Variants in SEL1L observed in about 807,000 individuals in gnomAD.
SEL1L encodes protein sel-1 homolog 1.
A neutral mutation model predicts 109.8 loss-of-function variants in SEL1L; 52 were observed. The ratio of observed to expected loss-of-function variants is 0.47; its 90% CI spans 0.38 to 0.60. SEL1L has a LOEUF of 0.60. SEL1L is among the 20% of genes least tolerant of loss of function. SEL1L has a pLI of 0.00. For missense variants in SEL1L, 749 were observed against 962.2 expected (o/e 0.78, Z 2.93); for synonymous variants, 373 against 339.6 (o/e 1.10, Z -1.08).
In SEL1L at chr14:81,513,874, C is replaced by T. The variant is rs141598467; in HGVS notation, c.341-7633G>A. 4.6e-4 allele frequency among the ~76,000 whole-genome samples: 70 copies of T among 152,246 alleles called. 3 individuals are homozygous for T. In the East Asian group the frequency reaches 8.3e-3, roughly 18 times the overall value. ...GGAAAGCCATTCAGCTCCGGGGTCC[C>T]GACAAGTTTGTTGACCCTGTGGCCA... On this transcript the variant is annotated intron_variant, in intron 3 of 20. Transcript: ENST00000336735.
chr14:81,520,975 C>A (rs985085255), intron 3 of SEL1L, among the ~76,000 whole-genome samples: 2 of 152,150 alleles, frequency 1.3e-5, no homozygotes, highest in Non-Finnish European at 2.9e-5. Flanking sequence ...AAAGAAACGA[C>A]CCGAGAGCAG....
Position 81,504,687 on chromosome 14 carries a change from G to A in SEL1L, c.509-381C>T, listed in dbSNP as rs925381138. Reference sequence around the variant, plus strand: ...AATCTCACACTGAATTGTAATCCCTGGTGATTACAATCTCTCTCACCTGTA... The same window carrying A: ...AATCTCACACTGAATTGTAATCCCTAGTGATTACAATCTCTCTCACCTGTA... On this transcript the variant is annotated intron_variant, in intron 4 of 20. Coordinates refer to ENST00000336735, the MANE Select transcript of SEL1L (RefSeq NM_005065.6). 4.6e-5 allele frequency among the ~76,000 whole-genome samples: 7 copies of A among 152,038 alleles called. No homozygotes were observed. The South Asian group carries it at 1.5e-3, about 32-fold the overall frequency.
intron 15 of SEL1L, 24 bp from the exon 16 acceptor site, chr14:81,487,562 C>A (rs202243862): frequency 1.5e-5 from 24 of 1,586,664 alleles, no homozygotes; most frequent in Non-Finnish European, 1.9e-5. Context: ...AAAAATCACA[C>A]GAGATAATAG....
At position 81,510,514 on chromosome 14, in the gene SEL1L, C is replaced by CTCTATATATATA. The variant is rs35474067; in HGVS notation, c.341-4274_341-4273insTATATATATAGA. Among the ~76,000 whole-genome samples, 926 of 103,970 alleles carry CTCTATATATATA rather than the reference C, an allele frequency of 8.9e-3. 11 individuals carry two copies. The highest frequency in any genetic ancestry group is 0.037 in the Middle Eastern group (5 of 134). The allele number at this position is 103,970 out of a possible 152,430, so 68.2% of individuals were successfully genotyped here. ...TCTCTCTCTCTCTCTCTCTCTCTCT[C>CTCTATATATATA]TATATATATATATATAGACAATTAA... is the stretch of plus-strand genomic sequence containing the variant. On this transcript the variant is annotated intron_variant, in intron 3 of 20. Transcript: ENST00000336735.
At chr14:81,525,643 AAGG>A (rs1210590618) in intron 3 of SEL1L, among the ~76,000 whole-genome samples, 1 of 152,164 alleles carries the variant, frequency 6.6e-6, no homozygotes, top group East Asian at 1.9e-4. Flanking sequence ...TAAGAATTCT[AAGG>A]AAATTTTCAC....
At chr14:81,516,800 C>T (rs1452992896) in intron 3 of SEL1L, among the ~76,000 whole-genome samples, 4 of 152,158 alleles carry the variant, frequency 2.6e-5, no homozygotes, top group African/African-American at 9.7e-5. Flanking sequence ...CAATTTGCCG[C>T]TGGGGTAATT....
At chr14:81,518,663 A>AC (rs1238223887) in intron 3 of SEL1L, among the ~76,000 whole-genome samples, 1 of 149,872 alleles carries the variant, frequency 6.7e-6, no homozygotes, top group Non-Finnish European at 1.5e-5. Flanking sequence ...TTCGTCTAAA[A>AC]AAAAAAAAAA....
At chr14:81,504,508 T>C (rs1269773935) in intron 4 of SEL1L, among the ~76,000 whole-genome samples, 1 of 151,266 alleles carries the variant, frequency 6.6e-6, no homozygotes, top group Admixed American at 6.6e-5. Flanking sequence ...TATACACACA[T>C]ATATAAAATT....
At chr14:81,498,584 T>A (rs1883877977) in intron 8 of SEL1L, 90 bp from the exon 9 acceptor site, 1 of 965,418 alleles carries the variant, frequency 1.0e-6, no homozygotes, top group East Asian at 2.5e-5. Flanking sequence ...ATACCCAGAA[T>A]TTTGCTGTCA....
chr14:81,492,383 A>G (rs540712418), intron 12 of SEL1L, 97 bp downstream of exon 12: 33 of 914,884 alleles, frequency 3.6e-5, no homozygotes, highest in Non-Finnish European at 5.5e-5. Flanking sequence ...CTTATTTCCA[A>G]TTTATTTTTG....
chr14:81,529,713 A>G (rs887704671), intron 1 of SEL1L, among the ~76,000 whole-genome samples: 1 of 152,238 alleles, frequency 6.6e-6, no homozygotes, highest in African/African-American at 2.4e-5. Context: ...GGTGAATAAG[A>G]TAATTCTCAG....
chr14:81,486,408 A>G lies in SEL1L; in HGVS notation c.1679T>C (p.Met560Thr), dbSNP rs1451680526. ...CERGRWSERL[M>T]TAYNSYKDGD... ...ATCTTTATAGCTGTTATAGGCAGTCATAAGCCTTTCAGACCAACGGCCTCG... is the reference window on the plus strand; with the variant it reads ...ATCTTTATAGCTGTTATAGGCAGTCGTAAGCCTTTCAGACCAACGGCCTCG... Residue 560 changes from methionine (M) to threonine (T), a missense_variant, in exon 17 of 21, where the codon ATG (methionine) becomes ACG (threonine). This residue lies in a region of SEL1L where 383 missense variants were observed against 562.5 expected (regional missense o/e 0.68). Coordinates refer to ENST00000336735, the MANE Select transcript of SEL1L (RefSeq NM_005065.6). 1 of 1,614,174 alleles carries G rather than the reference A, an allele frequency of 6.2e-7. No individual in the cohort carries two copies. Among genetic ancestry groups the G allele is most frequent in the African/African-American group, 1.3e-5 (1 of 75,060 alleles).
At chr14:81,512,587 C>G (rs1187870993) in intron 3 of SEL1L, among the ~76,000 whole-genome samples, 1 of 152,192 alleles carries the variant, frequency 6.6e-6, no homozygotes, top group Non-Finnish European at 1.5e-5. Context: ...GAGGATGAAG[C>G]CAGTCTACTG....
chr14:81,496,313 C>A (rs1415839855), intron 10 of SEL1L, among the ~76,000 whole-genome samples: 1 of 151,624 alleles, frequency 6.6e-6, no homozygotes, highest in Non-Finnish European at 1.5e-5. Context: ...GAGAGCGAGA[C>A]TCCGTCTCAA....
intron 6 of SEL1L, among the ~76,000 whole-genome samples, chr14:81,502,472 A>G (rs1884054810): frequency 6.6e-6 from 1 of 152,238 alleles, no homozygotes; most frequent in Non-Finnish European, 1.5e-5. Context: ...CATTCTCTAC[A>G]GATCTAATTT....
chr14:81,480,593 C>T (rs1221842475), intron 19 of SEL1L, among the ~76,000 whole-genome samples: 1 of 152,134 alleles, frequency 6.6e-6, no homozygotes, highest in Non-Finnish European at 1.5e-5. Context: ...GTGGCGCCTG[C>T]CTGTAGTCCC....
intron 1 of SEL1L, among the ~76,000 whole-genome samples, chr14:81,530,425 A>T (rs113823197): frequency 0.022 from 3,301 of 152,268 alleles, 56 homozygotes; most frequent in Non-Finnish European, 0.035. Context: ...CCGCTGACTC[A>T]CAATATTTTA....
chr14:81,487,801 A>G, intron 15 of SEL1L, 54 bp downstream of exon 15: 2 of 1,605,076 alleles, frequency 1.2e-6, no homozygotes, highest in Middle Eastern at 3.3e-4. Context: ...ATCTAGTAGA[A>G]AACAGCTTAA....
chr14:81,503,210 T>G (rs1002220822), intron 5 of SEL1L, among the ~76,000 whole-genome samples: 1 of 152,178 alleles, frequency 6.6e-6, no homozygotes, highest in Non-Finnish European at 1.5e-5. Context: ...CAGGCTGATC[T>G]CGAACTCCTG....
Sources: gnomAD v4.1 joint callset for allele counts (sites outside exome capture counted in the v4.1 genomes callset) on GRCh38, gnomAD v4.1.1 for gene constraint, gnomAD v4.1.1 regional missense constraint, MANE v1.5 for transcripts, NCBI Gene and HGNC (gene_info 2026-07-23, HGNC 2026-07-21) for gene names.